SQSTM1: variants seen among roughly 807,000 people sequenced by gnomAD.
The protein encoded by SQSTM1 is sequestosome-1.
SQSTM1 carries 36 observed loss-of-function variants against 45.1 expected under a neutral mutation model. The ratio of observed to expected loss-of-function variants is 0.80; its 90% CI spans 0.61 to 1.05. SQSTM1 has a LOEUF of 1.05. SQSTM1 is among the 50% of genes least tolerant of loss of function. The pLI is 0.00. For missense variants in SQSTM1, 617 were observed against 607.1 expected (o/e 1.02, Z -0.17); for synonymous variants, 290 against 244.3 (o/e 1.19, Z -1.74).
chr5:179,837,424 A>T lies in SQSTM1; in HGVS notation c.*831A>T. 1 of 1,603,988 alleles carries T rather than the reference A, an allele frequency of 6.2e-7. No individual in the cohort carries two copies. The highest frequency in any genetic ancestry group is 8.5e-7 in the Non-Finnish European group (1 of 1,174,316). On this transcript the variant is annotated 3_prime_UTR_variant, in exon 8 of 8. Transcript: ENST00000389805. ...CATCATCGAAGTCTTCCCCAGTTAT[A>T]AAGAGGTCACATAGTCGTGTGGGTC...
At chr5:179,811,525 C>G (rs918413364) in intron 1 of SQSTM1, 1 of 152,526 alleles carries the variant, frequency 6.6e-6, no homozygotes, top group Admixed American at 6.6e-5. Context: ...CCCTGTTTCC[C>G]TTTTTTTCCT....
chr5:179,832,470 T>C (rs1385514163), intron 5 of SQSTM1, among the ~76,000 whole-genome samples: 1 of 152,142 alleles, frequency 6.6e-6, no homozygotes, highest in African/African-American at 2.4e-5. Context: ...GGCGTTGAGG[T>C]GTGCGTGTGT....
intron 1 of SQSTM1, chr5:179,821,467 G>A (rs1757776644): frequency 5.3e-6 from 3 of 566,720 alleles, no homozygotes; most frequent in Non-Finnish European, 1.0e-5. Context: ...TGGCAAGGAC[G>A]CGCCGGGGCG....
chr5:179,836,581 C>T lies in SQSTM1; in HGVS notation c.1311C>T (p.Pro437=). ...ALDTIQYSKH[P]PPL ...ACACCATCCAGTATTCAAAGCATCC[C>T]CCGCCGTTGTGACCACTTTTGCCCA... The change falls in exon 8 of 8, where the codon CCC becomes CCT. Residue 437 remains proline, a synonymous_variant. Coordinates refer to ENST00000389805, the MANE Select transcript of SQSTM1 (RefSeq NM_003900.5). The T allele has an allele frequency of 6.2e-7, 1 of 1,614,186 alleles. No homozygotes were observed. Among genetic ancestry groups the T allele is most frequent in the East Asian group, 2.2e-5 (1 of 44,886 alleles).
Position 179,821,085 on chromosome 5 carries a change from G to T in SQSTM1, c.149G>T (p.Arg50Leu). Reference sequence around the variant, plus strand: ...GGACCCTGCGAGCGGCTGCTGAGCCGGGTGGCCGCCCTGTTCCCCGCGCTG... The same window carrying T: ...GGACCCTGCGAGCGGCTGCTGAGCCTGGTGGCCGCCCTGTTCCCCGCGCTG... ...GPGPCERLLS[R>L]VAALFPALRP... The change falls in exon 1 of 8, where the codon CGG (arginine) becomes CTG (leucine). Residue 50 changes from arginine to leucine, a missense_variant. Transcript: ENST00000389805. 5.4e-6 allele frequency: 8 copies of T among 1,468,284 alleles called. No homozygotes were observed. Among genetic ancestry groups the T allele is most frequent in the Non-Finnish European group, 7.2e-6 (8 of 1,112,534 alleles). 91.0% of individuals were successfully genotyped at this position (1,468,284 alleles called of 1,614,324 possible).
chr5:179,825,616 A>G (rs998090472), intron 5 of SQSTM1, among the ~76,000 whole-genome samples: 9 of 152,216 alleles, frequency 5.9e-5, no homozygotes, highest in Non-Finnish European at 1.2e-4. Flanking sequence ...GTTAGTTGAC[A>G]TGCTATTTAT....
At chr5:179,816,655 CCTT>C (rs1207852876), upstream of SQSTM1, among the ~76,000 whole-genome samples, 2 of 152,232 alleles carry the variant, frequency 1.3e-5, no homozygotes, top group Non-Finnish European at 2.9e-5. Context: ...TCCAGATTCC[CCTT>C]CTTGAGCTGC....
chr5:179,836,324 G>A, intron 7 of SQSTM1, 112 bp from the exon 8 acceptor site: 1 of 1,451,810 alleles, frequency 6.9e-7, no homozygotes, highest in Non-Finnish European at 9.6e-7. Flanking sequence ...CTCTGGGCAG[G>A]CTCGGACACT....
chr5:179,831,766 G>A (rs919253462), intron 5 of SQSTM1, among the ~76,000 whole-genome samples: 29 of 150,910 alleles, frequency 1.9e-4, no homozygotes, highest in Non-Finnish European at 1.0e-4. Context: ...TTAGATAGAG[G>A]TCCTAGCTGA....
intron 1 of SQSTM1, chr5:179,811,442 G>C (rs1757399924): frequency 6.6e-6 from 1 of 150,752 alleles, no homozygotes; most frequent in Admixed American, 6.6e-5. Context: ...TCTCATGTTC[G>C]GGGTGGAACT....
rs757045797 is a variant in SQSTM1 at position 179,833,080 on chromosome 5, T to C, written c.803T>C (p.Leu268Pro). 1.9e-6 allele frequency: 3 copies of C among 1,614,228 alleles called. No homozygotes were observed. Among genetic ancestry groups the C allele is most frequent in the Non-Finnish European group, 2.5e-6 (3 of 1,180,036 alleles). ...GAGCACGGAGGGAAAAGAAGCCGCC[T>C]GACCCCCGTCTCTCCAGAGAGTTCC... ...DVEHGGKRSR[L>P]TPVSPESSST... Residue 268 changes from leucine to proline, a missense_variant, in exon 6 of 8, where the codon CTG (leucine) becomes CCG (proline). Physicochemically the swap from Leu to Pro is moderately conservative, Grantham distance 98 (BLOSUM62 -3). Coordinates refer to ENST00000389805, the MANE Select transcript of SQSTM1 (RefSeq NM_003900.5).
At chr5:179,834,526 A>G (rs248240) in intron 7 of SQSTM1, among the ~76,000 whole-genome samples, 9,295 of 151,158 alleles carry the variant, frequency 0.061, 334 homozygotes, top group Middle Eastern at 0.12. Flanking sequence ...AAGTGAACAA[A>G]GGTCTCTGGT....
upstream of SQSTM1, among the ~76,000 whole-genome samples, chr5:179,819,350 G>T (rs1582000869): frequency 1.4e-5 from 1 of 73,810 alleles, no homozygotes; most frequent in East Asian, 3.6e-4. Context: ...CTCTTCACAT[G>T]CCCCTAGCCC....
chr5:179,821,946 T>TAAAAA (rs79376917), intron 1 of SQSTM1, among the ~76,000 whole-genome samples: 2 of 147,908 alleles, frequency 1.4e-5, no homozygotes, highest in African/African-American at 5.0e-5. Flanking sequence ...CTCCTATTCT[T>TAAAAA]AAAAAAAAAA....
In SQSTM1 at chr5:179,833,243, T is replaced by G; in HGVS notation, c.966T>G (p.Pro322=). 1 of 1,576,792 alleles carries G rather than the reference T, an allele frequency of 6.3e-7. No homozygotes were observed. Among genetic ancestry groups the G allele is most frequent in the South Asian group, 1.1e-5 (1 of 87,804 alleles). Reference sequence around the variant, plus strand: ...TCGCCTTGGAGTCCGAGGGGCGCCCTGAGGCAAGCCTGTGCCCCTCCCGCC... The same window carrying G: ...TCGCCTTGGAGTCCGAGGGGCGCCCGGAGGCAAGCCTGTGCCCCTCCCGCC... ...RKIALESEGR[P]EEQMESDNCS... Residue 322 remains proline, a synonymous_variant, in exon 6 of 8, where the codon CCT becomes CCG. Coordinates refer to ENST00000389805, the MANE Select transcript of SQSTM1 (RefSeq NM_003900.5).
upstream of SQSTM1, among the ~76,000 whole-genome samples, chr5:179,819,650 C>A (rs1447266522): frequency 6.6e-6 from 1 of 152,240 alleles, no homozygotes. Context: ...CCCTCTGTGT[C>A]CCCTGCCCCT....
At chr5:179,835,092 C>T (rs555285322) in intron 7 of SQSTM1, 20 of 203,488 alleles carry the variant, frequency 9.8e-5, no homozygotes, top group South Asian at 2.8e-4. Flanking sequence ...CGGATGGGGT[C>T]GCGGCCAGGC....
intron 1 of SQSTM1, chr5:179,821,852 A>T (rs1477678408): frequency 7.9e-6 from 2 of 252,540 alleles, no homozygotes; most frequent in Non-Finnish European, 1.6e-5. Flanking sequence ...TGTGGCCAGG[A>T]GGGCGGGAGG....
Position 179,825,181 on chromosome 5 carries a change from C to T in SQSTM1, c.709C>T (p.Leu237=). 1 of 1,614,090 alleles carries T rather than the reference C, an allele frequency of 6.2e-7. No individual in the cohort carries two copies. The highest frequency in any genetic ancestry group is 2.2e-5 in the East Asian group (1 of 44,888). The change falls in exon 5 of 8, where the codon CTG becomes TTG. Residue 237 remains leucine, a synonymous_variant. Transcript: ENST00000389805. ...ATCGGAGGATCCGAGTGTGAATTTC[C>T]TGAAGAACGTTGGGGAGAGTGTGGC... ...GPSEDPSVNF[L]KNVGESVAAA... is the part of the protein sequence containing the mutation.
Sources: allele counts gnomAD v4.1 joint callset (sites outside exome capture counted in the v4.1 genomes callset), GRCh38; gene constraint gnomAD v4.1.1; transcripts MANE v1.5; gene names NCBI Gene and HGNC (gene_info 2026-07-23, HGNC 2026-07-21).